The following RAP2A variants were observed in gnomAD, a reference collection of about 807,000 sequenced individuals.
RAP2A encodes the protein ras-related protein Rap-2a.
Under a neutral mutation model 15.1 loss-of-function variants are expected in RAP2A, and 5 were observed. The ratio of observed to expected loss-of-function variants is 0.33; its 90% CI spans 0.17 to 0.70. The LOEUF (loss-of-function observed/expected upper bound fraction) is 0.70. RAP2A is among the 30% of genes least tolerant of loss of function. The pLI is 0.68. For missense variants in RAP2A, 111 were observed against 240.3 expected (o/e 0.46, Z 3.56); for synonymous variants, 110 against 99.7 (o/e 1.10, Z -0.62).
At chr13:97,464,115 G>A in intron 1 of RAP2A, 90 bp from the exon 2 acceptor site, 2 of 1,136,230 alleles carry the variant, frequency 1.8e-6, no homozygotes, top group Non-Finnish European at 2.6e-6. Flanking sequence ...ATTTATGTTG[G>A]AATAGCCCCC....
chr13:97,452,145 T>A (rs1159934912), intron 1 of RAP2A, among the ~76,000 whole-genome samples: 1 of 151,246 alleles, frequency 6.6e-6, no homozygotes, highest in African/African-American at 2.4e-5. Flanking sequence ...TGAAGTCAAA[T>A]TTTAAATTCT....
In RAP2A at chr13:97,468,656, G is replaced by A. The variant is rs2066782865; in HGVS notation, c.*4214G>A. 1 of 152,160 alleles carries A rather than the reference G, an allele frequency of 6.6e-6. No individual in the cohort carries two copies. The highest frequency in any genetic ancestry group is 1.5e-5 in the Non-Finnish European group (1 of 68,032). 9.4% of individuals were successfully genotyped at this position (152,160 alleles called of 1,614,324 possible). A position where few individuals can be genotyped will look rare whatever the true frequency, so the allele number is the denominator to read the frequency against. On this transcript the variant is annotated 3_prime_UTR_variant, in exon 2 of 2. Transcript: ENST00000245304. Reference sequence around the variant, plus strand: ...GAATAATTTGAATGAATATAACAGAGGCACTGTAGATAGAATCCCAGATAT... The same window carrying A: ...GAATAATTTGAATGAATATAACAGAAGCACTGTAGATAGAATCCCAGATAT...
intron 1 of RAP2A, among the ~76,000 whole-genome samples, chr13:97,453,992 T>C (rs1164204491): frequency 6.6e-6 from 1 of 151,304 alleles, no homozygotes; most frequent in East Asian, 1.9e-4. Flanking sequence ...TCTAATTGGA[T>C]AGTTTGTTTT....
At chr13:97,455,018 T>C (rs2066717064) in intron 1 of RAP2A, among the ~76,000 whole-genome samples, 1 of 151,412 alleles carries the variant, frequency 6.6e-6, no homozygotes, top group Non-Finnish European at 1.5e-5. Context: ...TGCATTTGTT[T>C]CTTTGGCTGC....
intron 1 of RAP2A, among the ~76,000 whole-genome samples, chr13:97,440,351 CAAAG>C (rs2066652063): frequency 6.6e-6 from 1 of 151,942 alleles, no homozygotes. Flanking sequence ...TAAATCCAAA[CAAAG>C]AATTTGGGTA....
At chr13:97,452,970 G>A (rs2066708974) in intron 1 of RAP2A, among the ~76,000 whole-genome samples, 2 of 151,144 alleles carry the variant, frequency 1.3e-5, no homozygotes, top group South Asian at 2.1e-4. Context: ...AATTCTAAGT[G>A]TAGATTAACC....
chr13:97,448,689 T>C (rs1241881444), intron 1 of RAP2A, among the ~76,000 whole-genome samples: 7 of 152,226 alleles, frequency 4.6e-5, no homozygotes, highest in Non-Finnish European at 7.3e-5. Flanking sequence ...AAATTGTGGT[T>C]GGCCTGGACT....
At chr13:97,453,353 C>G (rs1475591542) in intron 1 of RAP2A, among the ~76,000 whole-genome samples, 3 of 151,162 alleles carry the variant, frequency 2.0e-5, no homozygotes, top group Non-Finnish European at 3.0e-5. Flanking sequence ...CCCTTATAGT[C>G]ACACTTACTC....
At chr13:97,435,418 GTTTGTT>G (rs376571749) in intron 1 of RAP2A, among the ~76,000 whole-genome samples, 1,295 of 94,738 alleles carry the variant, frequency 0.014, 7 homozygotes, top group Non-Finnish European at 0.02. Flanking sequence ...CAGCTTAACT[GTTTGTT>G]TTTGTTTTTT....
Position 97,464,416 on chromosome 13 carries a change from T to C in RAP2A, c.526T>C (p.Cys176Arg). The stretch of plus-strand genomic sequence containing the variant: ...TGCTCAGCCTGACAAAGATGACCCA[T>C]GCTGTTCTGCATGTAACATACAATA... ...YAAQPDKDDP[C>R]CSACNIQ The change falls in exon 2 of 2, where the codon TGC becomes CGC. Residue 176 changes from cysteine (C) to arginine (R), a missense_variant. Around this residue, in one of 3 missense-constraint regions of RAP2A, gnomAD observed 74 missense variants for 132.3 expected, o/e 0.56. Transcript: ENST00000245304. 2 of 1,614,202 alleles carry C rather than the reference T, an allele frequency of 1.2e-6. No homozygotes were observed. The highest frequency in any genetic ancestry group is 1.7e-6 in the Non-Finnish European group (2 of 1,180,006).
intron 1 of RAP2A, among the ~76,000 whole-genome samples, chr13:97,462,264 A>C (rs577846046): frequency 3.4e-4 from 51 of 152,112 alleles, no homozygotes; most frequent in Admixed American, 2.6e-4. Flanking sequence ...TTTAAAGTAC[A>C]CTGTGATGTA....
At chr13:97,458,735 C>T (rs1008694711) in intron 1 of RAP2A, among the ~76,000 whole-genome samples, 3 of 152,034 alleles carry the variant, frequency 2.0e-5, no homozygotes, top group East Asian at 1.9e-4. Context: ...AATATATATA[C>T]GTATACATAC....
At chr13:97,461,726 G>A (rs1462217958) in intron 1 of RAP2A, among the ~76,000 whole-genome samples, 1 of 151,988 alleles carries the variant, frequency 6.6e-6, no homozygotes, top group African/African-American at 2.4e-5. Context: ...CACTTTGGGA[G>A]GCTGAGGCGG....
intron 1 of RAP2A, chr13:97,436,094 C>G (rs1368735835): frequency 6.6e-6 from 1 of 152,188 alleles, no homozygotes; most frequent in African/African-American, 2.4e-5. Context: ...ACTTTAATCG[C>G]TGAACTAAAA....
rs1179510351 is a variant in RAP2A, at chr13:97,467,281, C to G, written c.*2839C>G. On this transcript the variant is annotated 3_prime_UTR_variant, in exon 2 of 2. Coordinates refer to ENST00000245304, the MANE Select transcript of RAP2A (RefSeq NM_021033.7). Reference sequence around the variant, plus strand: ...TTTTGTTCAACTTATACAAAACAAGCCAGCATCTGATCAAAAGTATTACAT... The same window carrying G: ...TTTTGTTCAACTTATACAAAACAAGGCAGCATCTGATCAAAAGTATTACAT... The G allele has an allele frequency of 6.6e-6, 1 of 152,528 alleles. No homozygotes were observed. The highest frequency in any genetic ancestry group is 2.4e-5 in the African/African-American group (1 of 41,416). 9.4% of individuals were successfully genotyped at this position (152,528 alleles called of 1,614,324 possible).
chr13:97,439,895 GT>G (rs1057063263), intron 1 of RAP2A, among the ~76,000 whole-genome samples: 2 of 151,142 alleles, frequency 1.3e-5, no homozygotes, highest in Non-Finnish European at 3.0e-5. Flanking sequence ...TGAGTAAGTT[GT>G]TTTTTTTTAA....
In RAP2A at chr13:97,434,385, C is replaced by A; in HGVS notation, c.-86C>A. The A allele has an allele frequency of 1.0e-6, 1 of 991,754 alleles. No individual in the cohort carries two copies. The highest frequency in any genetic ancestry group is 1.2e-6 in the Non-Finnish European group (1 of 833,078). The allele number at this position is 991,754 out of a possible 1,614,324, so 61.4% of individuals were successfully genotyped here. On this transcript the variant is annotated 5_prime_UTR_variant, in exon 1 of 2. Coordinates refer to ENST00000245304, the MANE Select transcript of RAP2A (RefSeq NM_021033.7). The stretch of plus-strand genomic sequence containing the variant: ...CGGCAGCGGGAGGCGGCGGGGCGGG[C>A]CGCCGGGGCCGGGGCTGGGGGCGCA...
chr13:97,462,685 T>C (rs1250154580), intron 1 of RAP2A, among the ~76,000 whole-genome samples: 1 of 152,262 alleles, frequency 6.6e-6, no homozygotes, highest in Non-Finnish European at 1.5e-5. Flanking sequence ...AATTCTAGGT[T>C]TGCCTTTGAT....
Position 97,434,802 on chromosome 13 carries a change from G to A in RAP2A, c.314+18G>A. The A allele has an allele frequency of 6.2e-7, 1 of 1,612,152 alleles. No homozygotes were observed. The highest frequency in any genetic ancestry group is 1.7e-4 in the Middle Eastern group (1 of 6,050). Reference sequence around the variant, plus strand: ...GTGAAGCGGTGAGCGAGGGCACACGGGGGCTTGGCGGCTGCACCCCGGAGT... The same window carrying A: ...GTGAAGCGGTGAGCGAGGGCACACGAGGGCTTGGCGGCTGCACCCCGGAGT... On this transcript the variant is annotated intron_variant, in intron 1 of 1. Transcript: ENST00000245304.
Sources: allele counts gnomAD v4.1 joint callset (sites outside exome capture counted in the v4.1 genomes callset), GRCh38; gene constraint gnomAD v4.1.1; regional missense constraint gnomAD v4.1.1; transcripts MANE v1.5; gene names NCBI Gene and HGNC (gene_info 2026-07-23, HGNC 2026-07-21).